The following HS2ST1 variants were observed in gnomAD, a reference collection of about 807,000 sequenced individuals.
The protein encoded by HS2ST1 is 2-O-sulfotransferase.
Under a neutral mutation model 42.9 loss-of-function variants are expected in HS2ST1, and 18 were observed. The ratio of observed to expected loss-of-function variants is 0.42; its 90% CI spans 0.29 to 0.62. The LOEUF (loss-of-function observed/expected upper bound fraction) is 0.62. Among genes scored for constraint, HS2ST1 ranks in the 20% least tolerant of loss-of-function variants. The probability of loss-of-function intolerance (pLI) is 0.21; values close to 1 mark genes in which losing one functional copy is unlikely to be tolerated. For synonymous variants in HS2ST1, 146 were observed against 152.9 expected, an observed-to-expected ratio of 0.95 and a Z score of 0.33; for missense variants, 334 against 433.8, an observed-to-expected ratio of 0.77 and a Z score of 2.04.
intron 1 of HS2ST1, among the ~76,000 whole-genome samples, chr1:87,035,255 A>G (rs1442092393): frequency 6.6e-6 from 1 of 152,222 alleles, no homozygotes; most frequent in Non-Finnish European, 1.5e-5. Flanking sequence ...TTTTGTCGTC[A>G]TTTGTTACAG....
intron 1 of HS2ST1, among the ~76,000 whole-genome samples, chr1:87,051,489 A>G (rs1032591083): frequency 2.7e-4 from 41 of 152,340 alleles, no homozygotes; most frequent in Non-Finnish European, 5.1e-4. Flanking sequence ...TGTAAAGATC[A>G]ACAAATTATT....
chr1:86,969,026 T>G (rs1201160519), intron 1 of HS2ST1, among the ~76,000 whole-genome samples: 1 of 152,230 alleles, frequency 6.6e-6, no homozygotes, highest in Admixed American at 6.5e-5. Context: ...TCCATGTAAG[T>G]AAGGTTGCTA....
chr1:87,095,966 CTT>C (rs374234551), intron 4 of HS2ST1, among the ~76,000 whole-genome samples: 7 of 126,216 alleles, frequency 5.5e-5, no homozygotes, highest in Admixed American at 8.0e-5. Flanking sequence ...AGCCGGTTTT[CTT>C]TTTTTTTTTT....
intron 3 of HS2ST1, among the ~76,000 whole-genome samples, chr1:87,085,872 A>G (rs947109811): frequency 8.5e-5 from 13 of 152,216 alleles, no homozygotes; most frequent in African/African-American, 3.1e-4. Context: ...AGTTGAAAAA[A>G]TAAGGCTTTT....
chr1:86,998,147 T>C (rs910532394), intron 1 of HS2ST1, among the ~76,000 whole-genome samples: 41 of 152,338 alleles, frequency 2.7e-4, no homozygotes, highest in Middle Eastern at 3.4e-3. Flanking sequence ...GTCATCTTTG[T>C]TTTTATCTTG....
At chr1:86,984,038 T>C in intron 1 of HS2ST1, among the ~76,000 whole-genome samples, 1 of 70,242 alleles carries the variant, frequency 1.4e-5, no homozygotes, top group Admixed American at 1.9e-4. Flanking sequence ...AGGCTCCATC[T>C]CAAAAAAAAA....
intron 1 of HS2ST1, among the ~76,000 whole-genome samples, chr1:87,068,236 T>C (rs1469539493): frequency 3.3e-5 from 5 of 152,206 alleles, no homozygotes; most frequent in South Asian, 2.1e-4. Context: ...TCCTCTCTTA[T>C]TACCTTGAGC....
intron 1 of HS2ST1, among the ~76,000 whole-genome samples, chr1:87,012,014 A>G (rs1417708969): frequency 6.6e-6 from 1 of 152,208 alleles, no homozygotes; most frequent in African/African-American, 2.4e-5. Context: ...GTATGCATGC[A>G]ATGCATTGAT....
intron 1 of HS2ST1, among the ~76,000 whole-genome samples, chr1:86,933,777 A>T (rs541642817): frequency 1.5e-5 from 2 of 136,350 alleles, no homozygotes; most frequent in East Asian, 4.2e-4. Flanking sequence ...ACAGGCCTTT[A>T]GTGTGGCCTA....
At chr1:87,074,066 A>T (rs182739307) in intron 2 of HS2ST1, among the ~76,000 whole-genome samples, 28 of 152,322 alleles carry the variant, frequency 1.8e-4, no homozygotes, top group Admixed American at 1.6e-3. Flanking sequence ...TAAACAAGAG[A>T]ATTACATTGA....
intron 2 of HS2ST1, among the ~76,000 whole-genome samples, chr1:87,076,615 T>C (rs1306515839): frequency 6.6e-6 from 1 of 152,168 alleles, no homozygotes; most frequent in Non-Finnish European, 1.5e-5. Flanking sequence ...GTGGACTCAG[T>C]CATTAAAGAT....
intron 1 of HS2ST1, among the ~76,000 whole-genome samples, chr1:87,012,391 A>ACAAGCTCTCACCCTG (rs1014341690): frequency 6.6e-5 from 10 of 152,256 alleles, no homozygotes; most frequent in Non-Finnish European, 1.5e-4. Flanking sequence ...TGTGCAGGGG[A>ACAAGCTCTCACCCTG]CAAGCTCTCA....
At chr1:87,071,885 A>C (rs1004348897) in intron 1 of HS2ST1, among the ~76,000 whole-genome samples, 8 of 152,266 alleles carry the variant, frequency 5.3e-5, no homozygotes, top group African/African-American at 1.9e-4. Flanking sequence ...TTAAGAGAGT[A>C]CGTGCTATAT....
At chr1:87,089,924 TAG>T (rs1651900798) in intron 3 of HS2ST1, among the ~76,000 whole-genome samples, 1 of 151,976 alleles carries the variant, frequency 6.6e-6, no homozygotes, top group Admixed American at 6.6e-5. Flanking sequence ...GAAACATTGG[TAG>T]GAGATGTTCT....
intron 1 of HS2ST1, among the ~76,000 whole-genome samples, chr1:86,924,536 C>T (rs548929198): frequency 2.6e-5 from 4 of 152,286 alleles, no homozygotes; most frequent in African/African-American, 4.8e-5. Context: ...CCAGGTGTTT[C>T]CATACATCTT....
chr1:87,048,730 G>A (rs973494688), intron 1 of HS2ST1, among the ~76,000 whole-genome samples: 1 of 152,062 alleles, frequency 6.6e-6, no homozygotes, highest in African/African-American at 2.4e-5. Context: ...TTATGTGCAT[G>A]TATTAAGATG....
At chr1:86,918,338 G>T (rs1660212668) in intron 1 of HS2ST1, among the ~76,000 whole-genome samples, 1 of 151,916 alleles carries the variant, frequency 6.6e-6, no homozygotes, top group Non-Finnish European at 1.5e-5. Flanking sequence ...CATCTTTCCA[G>T]GTCAGTACAT....
intron 1 of HS2ST1, among the ~76,000 whole-genome samples, chr1:86,958,957 G>A (rs776113873): frequency 2.0e-5 from 3 of 152,080 alleles, no homozygotes; most frequent in African/African-American, 4.8e-5. Flanking sequence ...TCATGTAATC[G>A]ATCACATCCA....
intron 1 of HS2ST1, among the ~76,000 whole-genome samples, chr1:86,972,658 C>A (rs981561129): frequency 6.6e-6 from 1 of 152,174 alleles, no homozygotes; most frequent in African/African-American, 2.4e-5. Context: ...GGTCTTGGGG[C>A]GCATCCCCTG....
Sources: allele counts gnomAD v4.1 joint callset (sites outside exome capture counted in the v4.1 genomes callset), GRCh38; gene constraint gnomAD v4.1.1; transcripts MANE v1.5; gene names NCBI Gene and HGNC (gene_info 2026-07-23, HGNC 2026-07-21).